The following BPGM variants were observed in gnomAD, a reference collection of about 807,000 sequenced individuals.
BPGM encodes the protein bisphosphoglycerate mutase, also known as 2,3-bisphosphoglycerate mutase, erythrocyte.
In BPGM, 15 loss-of-function variants were observed where a neutral mutation model predicts 21.6. That is an observed-to-expected ratio of 0.70 (90% CI 0.47 to 1.07). The LOEUF is 1.07. Ranked by LOEUF, BPGM falls within the 50% of genes least tolerant of loss-of-function variation. The pLI is 0.00. For missense variants in BPGM, 273 were observed against 319.0 expected, an observed-to-expected ratio of 0.86 and a Z score of 1.10; for synonymous variants, 113 against 116.2, an observed-to-expected ratio of 0.97 and a Z score of 0.18.
rs372919203 is a variant in BPGM, at chr7:134,655,238, T to C, written c.-61-6209T>C. ...GAGTATTTATTCTTAGTAAGGTTCC[T>C]CTTTATAAGTTGGGGTGACTATTGC... is the stretch of plus-strand genomic sequence containing the variant. On this transcript the variant is annotated intron_variant, in intron 1 of 2. Transcript: ENST00000344924. Among the ~76,000 whole-genome samples the C allele has an allele frequency of 1.3e-3, 203 of 152,366 alleles. 4 individuals carry two copies. In the South Asian group the frequency reaches 0.039, roughly 30 times the overall value.
At chr7:134,653,722 T>G (rs1291465150) in intron 1 of BPGM, among the ~76,000 whole-genome samples, 1 of 152,372 alleles carries the variant, frequency 6.6e-6, no homozygotes, top group East Asian at 1.9e-4. Flanking sequence ...AATACTGTTC[T>G]GTAATAATGA....
chr7:134,648,132 G>GT (rs1037270275), intron 1 of BPGM, among the ~76,000 whole-genome samples: 31 of 144,176 alleles, frequency 2.2e-4, no homozygotes, highest in East Asian at 8.2e-4. Flanking sequence ...TTTTGTTTTG[G>GT]TTTTTTTTTT....
In BPGM at chr7:134,657,640, C is replaced by G. The variant is rs1270464518; in HGVS notation, c.-61-3807C>G. 2.6e-5 allele frequency among the ~76,000 whole-genome samples: 4 copies of G among 152,150 alleles called. No homozygotes were observed. In the East Asian group the frequency reaches 7.7e-4, roughly 29 times the overall value. ...TAGGGTATGAGGCATGAGCACCCCC[C>G]ACTAGAGAGAGAAGCAGTGTCACCT... On this transcript the variant is annotated intron_variant, in intron 1 of 2. Transcript: ENST00000344924.
chr7:134,667,984 C>G (rs1319591100), intron 2 of BPGM, among the ~76,000 whole-genome samples: 1 of 152,296 alleles, frequency 6.6e-6, no homozygotes, highest in South Asian at 2.1e-4. Flanking sequence ...GCTGAAATCT[C>G]AAATTGCTTT....
At chr7:134,665,331 G>A (rs1795799475) in intron 2 of BPGM, among the ~76,000 whole-genome samples, 1 of 29,100 alleles carries the variant, frequency 3.4e-5, no homozygotes, top group Non-Finnish European at 5.5e-5. Context: ...GGATGAAATT[G>A]GAAACCATCA....
intron 1 of BPGM, among the ~76,000 whole-genome samples, chr7:134,657,858 C>T (rs1029500327): frequency 6.6e-6 from 1 of 152,100 alleles, no homozygotes; most frequent in African/African-American, 2.4e-5. Flanking sequence ...CTTTGAAAGG[C>T]TGTGTTGGGC....
chr7:134,655,738 T>A (rs567749722), intron 1 of BPGM, among the ~76,000 whole-genome samples: 94 of 152,338 alleles, frequency 6.2e-4, no homozygotes, highest in African/African-American at 2.2e-3. Context: ...CCACTAAAAC[T>A]CTCAAGCCTT....
intron 2 of BPGM, among the ~76,000 whole-genome samples, chr7:134,676,018 T>C (rs978988759): frequency 2.0e-5 from 3 of 152,246 alleles, no homozygotes; most frequent in African/African-American, 7.2e-5. Context: ...TGCTACTGTA[T>C]TAAAAACCCA....
rs1384396210 is a variant in BPGM, at chr7:134,647,282, C to T, written c.-62+345C>T. Reference sequence around the variant, plus strand: ...GAGGTACTGTGTAGCAGAGCCCTTCCAATAGTAAGATCCCCTGGAAGGAAG... The same window carrying T: ...GAGGTACTGTGTAGCAGAGCCCTTCTAATAGTAAGATCCCCTGGAAGGAAG... On this transcript the variant is annotated intron_variant, in intron 1 of 2. Transcript: ENST00000344924. 3 of 152,204 alleles carry T rather than the reference C, an allele frequency of 2.0e-5. No individual in the cohort carries two copies. In the East Asian group the frequency reaches 5.8e-4, roughly 29 times the overall value. 9.4% of individuals were successfully genotyped at this position (152,204 alleles called of 1,614,324 possible). A position where few individuals can be genotyped will look rare whatever the true frequency, so the allele number is the denominator to read the frequency against.
chr7:134,654,145 C>CAT (rs398111915), intron 1 of BPGM, among the ~76,000 whole-genome samples: 1 of 97,318 alleles, frequency 1.0e-5, no homozygotes, highest in African/African-American at 5.0e-5. Flanking sequence ...CACACACACA[C>CAT]GTACTGAAGA....
At chr7:134,675,951 A>C (rs527559234) in intron 2 of BPGM, among the ~76,000 whole-genome samples, 1 of 152,244 alleles carries the variant, frequency 6.6e-6, no homozygotes, top group Non-Finnish European at 1.5e-5. Flanking sequence ...TTAGCATTTT[A>C]TTCTTTTTGA....
chr7:134,670,537 A>G (rs561814425), intron 2 of BPGM, among the ~76,000 whole-genome samples: 1 of 152,348 alleles, frequency 6.6e-6, no homozygotes, highest in African/African-American at 2.4e-5. Context: ...CTTACTCTAA[A>G]TTAGTGGCTG....
intron 1 of BPGM, among the ~76,000 whole-genome samples, chr7:134,656,539 A>G (rs900940789): frequency 6.6e-6 from 1 of 152,248 alleles, no homozygotes; most frequent in Non-Finnish European, 1.5e-5. Context: ...ACTTACAATC[A>G]TGGTGGAAGG....
At position 134,679,295 on chromosome 7, in the gene BPGM, T is replaced by TAA. The variant is rs1796029156; in HGVS notation, c.*265_*266dup. ...AACTAGTGGGGCTTAATGAAGGTCA[T>TAA]AAGTTTCTGAGATGGGAGAGCAACA... On this transcript the variant is annotated 3_prime_UTR_variant, in exon 3 of 3. Transcript: ENST00000344924. 1 of 466,382 alleles carries TAA rather than the reference T, an allele frequency of 2.1e-6. No individual in the cohort carries two copies. Among genetic ancestry groups the TAA allele is most frequent in the Non-Finnish European group, 3.9e-6 (1 of 258,208 alleles). The allele number at this position is 466,382 out of a possible 1,614,324, so 28.9% of individuals were successfully genotyped here.
intron 1 of BPGM, among the ~76,000 whole-genome samples, chr7:134,651,840 A>G (rs1795559476): frequency 6.6e-6 from 1 of 152,192 alleles, no homozygotes; most frequent in Non-Finnish European, 1.5e-5. Flanking sequence ...ATGTTCTTTG[A>G]TTTGTTTATT....
Position 134,679,498 on chromosome 7 carries a change from AG to A in BPGM, c.*470del, listed in dbSNP as rs1432609641. ...ATTACTAGTCTTTTCCTCTAGGAAA[AG>A]GGATACTTTGATAATTAAGGCCAGA... is the stretch of plus-strand genomic sequence containing the variant. On this transcript the variant is annotated 3_prime_UTR_variant, in exon 3 of 3. Transcript: ENST00000344924. 8 of 156,112 alleles carry A rather than the reference AG, an allele frequency of 5.1e-5. No individual in the cohort carries two copies. Among genetic ancestry groups the A allele is most frequent in the African/African-American group, 1.9e-4 (8 of 41,604 alleles). The allele number at this position is 156,112 out of a possible 1,614,324, so 9.7% of individuals were successfully genotyped here.
intron 2 of BPGM, among the ~76,000 whole-genome samples, chr7:134,669,419 A>G (rs191131331): frequency 6.6e-6 from 1 of 152,026 alleles, no homozygotes; most frequent in Admixed American, 6.6e-5. Context: ...ATCCCAGACT[A>G]TCTCTGCTTA....
chr7:134,678,646 G>C (rs1319506546), intron 2 of BPGM, among the ~76,000 whole-genome samples: 2 of 152,222 alleles, frequency 1.3e-5, no homozygotes, highest in Non-Finnish European at 2.9e-5. Context: ...CTACTGTCCT[G>C]ATGTAGCACT....
chr7:134,678,640 T>C (rs1480940682), intron 2 of BPGM, among the ~76,000 whole-genome samples: 1 of 152,238 alleles, frequency 6.6e-6, no homozygotes, highest in Non-Finnish European at 1.5e-5. Context: ...AGGTATCTAC[T>C]GTCCTGATGT....
Sources: gnomAD v4.1 joint callset for allele counts (sites outside exome capture counted in the v4.1 genomes callset) on GRCh38, gnomAD v4.1.1 for gene constraint, MANE v1.5 for transcripts, NCBI Gene and HGNC (gene_info 2026-07-23, HGNC 2026-07-21) for gene names.